The following CIMIP4 variants were observed in gnomAD, a reference collection of about 807,000 sequenced individuals.
The protein encoded by CIMIP4 is protein EAN57.
the CIMIP4 span, among the ~76,000 whole-genome samples, chr22:37,003,619 T>C: frequency 6.6e-6 from 1 of 152,166 alleles, no homozygotes; most frequent in African/African-American, 2.4e-5. Context: ...TAACCCCATA[T>C]ATACCTCCCA....
At chr22:36,997,292 G>A in the CIMIP4 span, among the ~76,000 whole-genome samples, 2 of 152,220 alleles carry the variant, frequency 1.3e-5, no homozygotes, top group Non-Finnish European at 2.9e-5. Flanking sequence ...GATGATCTAC[G>A]ATTTAGCATA....
chr22:36,997,170 C>T, the CIMIP4 span, among the ~76,000 whole-genome samples: 2 of 152,186 alleles, frequency 1.3e-5, no homozygotes, highest in South Asian at 4.1e-4. Context: ...AAGCCATCTA[C>T]AGTTTTTGAA....
At chr22:36,997,207 C>G in the CIMIP4 span, among the ~76,000 whole-genome samples, 1 of 152,080 alleles carries the variant, frequency 6.6e-6, no homozygotes, top group East Asian at 1.9e-4. Flanking sequence ...ATACTAAAAA[C>G]AAAAATCAAC....
At chr22:37,001,749 A>G in the CIMIP4 span, 1 of 1,316,628 alleles carries the variant, frequency 7.6e-7, no homozygotes, top group Non-Finnish European at 1.0e-6. Context: ...TAGTGGTATT[A>G]TTATAGGGAC....
At chr22:36,991,248 G>A in the CIMIP4 span, 1 of 1,614,116 alleles carries the variant, frequency 6.2e-7, no homozygotes. Flanking sequence ...GCAAGTTCAG[G>A]TTCATAGCAT....
chr22:36,991,442 A>G, the CIMIP4 span: 2 of 1,593,526 alleles, frequency 1.3e-6, no homozygotes, highest in Non-Finnish European at 1.7e-6. Context: ...CTGGTGGAGG[A>G]CAGTCCCTGC....
the CIMIP4 span, among the ~76,000 whole-genome samples, chr22:37,000,708 C>T: frequency 1.4e-3 from 213 of 152,278 alleles, no homozygotes; most frequent in African/African-American, 4.9e-3. Context: ...GCAGAAAACA[C>T]GGATTTCTTG....
chr22:37,002,378 G>T, the CIMIP4 span: 1 of 777,800 alleles, frequency 1.3e-6, no homozygotes, highest in Non-Finnish European at 1.8e-6. Flanking sequence ...AGGGTGGGGA[G>T]GGGGCAGAGA....
chr22:36,996,820 T>C, the CIMIP4 span, among the ~76,000 whole-genome samples: 2 of 152,180 alleles, frequency 1.3e-5, no homozygotes, highest in African/African-American at 4.8e-5. Context: ...AAAAATGTAA[T>C]ATTAGACCAA....
the CIMIP4 span, chr22:37,002,161 T>C: frequency 6.6e-7 from 1 of 1,514,580 alleles, no homozygotes. Context: ...GAGCGCTGGC[T>C]CCCAGGGGCA....
At chr22:36,991,358 T>C in the CIMIP4 span, 1 of 1,560,528 alleles carries the variant, frequency 6.4e-7, no homozygotes, top group Non-Finnish European at 8.8e-7. Context: ...GGATGACTCG[T>C]ACCTCTTCCA....
At chr22:36,991,511 G>A in the CIMIP4 span, 2 of 1,614,180 alleles carry the variant, frequency 1.2e-6, no homozygotes, top group African/African-American at 1.3e-5. Flanking sequence ...CCATGCCAGT[G>A]TTCTAAGTCC....
At chr22:36,996,051 G>T in the CIMIP4 span, among the ~76,000 whole-genome samples, 3 of 151,998 alleles carry the variant, frequency 2.0e-5, no homozygotes, top group African/African-American at 4.8e-5. Context: ...GACTGGCAGG[G>T]TTTAAATCCC....
At chr22:36,996,865 G>A in the CIMIP4 span, among the ~76,000 whole-genome samples, 1 of 152,224 alleles carries the variant, frequency 6.6e-6, no homozygotes, top group Non-Finnish European at 1.5e-5. Context: ...ATCTATGCAT[G>A]TGTCAAAACC....
chr22:36,991,746 C>A, the CIMIP4 span, among the ~76,000 whole-genome samples: 1 of 152,106 alleles, frequency 6.6e-6, no homozygotes, highest in African/African-American at 2.4e-5. Context: ...TGGGTTCAAA[C>A]CCAGACTCCA....
chr22:37,002,691 C>A, the CIMIP4 span, among the ~76,000 whole-genome samples: 1 of 152,192 alleles, frequency 6.6e-6, no homozygotes, highest in East Asian at 1.9e-4. Flanking sequence ...TTCCCTTCCC[C>A]ACTTTTCCAT....
At chr22:36,991,230 T>A in the CIMIP4 span, 3 of 1,614,206 alleles carry the variant, frequency 1.9e-6, no homozygotes, top group Non-Finnish European at 2.5e-6. Context: ...TCTCTTCCAG[T>A]GCTTTCTGCA....
the CIMIP4 span, among the ~76,000 whole-genome samples, chr22:36,991,794 C>A: frequency 0.033 from 5,070 of 151,846 alleles, 108 homozygotes; most frequent in Non-Finnish European, 0.045. Flanking sequence ...AAATTTTTAA[C>A]CTCTCTGAGC....
At chr22:36,999,812 C>G in the CIMIP4 span, 1 of 1,598,222 alleles carries the variant, frequency 6.3e-7, no homozygotes, top group Non-Finnish European at 8.5e-7. Context: ...TGGGTGTTCA[C>G]GGCCCCACCC....
Sources: allele counts gnomAD v4.1 joint callset (sites outside exome capture counted in the v4.1 genomes callset), GRCh38; gene constraint gnomAD v4.1.1; transcripts MANE v1.5; gene names NCBI Gene and HGNC (gene_info 2026-07-23, HGNC 2026-07-21).